The following TNN variants were observed in gnomAD, a reference collection of about 807,000 sequenced individuals.
TNN encodes tenascin N.
In TNN, 122 loss-of-function variants were observed where a neutral mutation model predicts 134.4. That is an observed-to-expected ratio of 0.91 (90% confidence interval 0.78 to 1.06). The LOEUF is 1.06. Among genes scored for constraint, TNN ranks in the 50% least tolerant of loss-of-function variants. TNN has a pLI of 0.00. For synonymous variants in TNN, 710 were observed against 670.3 expected (o/e 1.06, Z -0.91); for missense variants, 1,739 against 1,699.4 (o/e 1.02, Z -0.41).
At chr1:175,138,781 T>A (rs1675878692) in intron 17 of TNN, among the ~76,000 whole-genome samples, 1 of 152,220 alleles carries the variant, frequency 6.6e-6, no homozygotes, top group South Asian at 2.1e-4. Flanking sequence ...AACTGCATTG[T>A]TAAGCATTTC....
At chr1:175,071,148 C>G (rs1673906014) in intron 1 of TNN, among the ~76,000 whole-genome samples, 1 of 152,202 alleles carries the variant, frequency 6.6e-6, no homozygotes, top group African/African-American at 2.4e-5. Context: ...CTGTGGTTAA[C>G]TGTCAAGGCA....
intron 11 of TNN, among the ~76,000 whole-genome samples, chr1:175,119,207 C>T (rs1324021004): frequency 1.3e-5 from 2 of 152,194 alleles, no homozygotes; most frequent in African/African-American, 4.8e-5. Context: ...TGTGGTTGTC[C>T]ATTTTTATGG....
At chr1:175,120,676 C>T (rs982837375) in intron 11 of TNN, among the ~76,000 whole-genome samples, 1 of 152,184 alleles carries the variant, frequency 6.6e-6, no homozygotes, top group African/African-American at 2.4e-5. Context: ...AGACAGACCT[C>T]ACTGCAAAAA....
At chr1:175,118,194 G>T (rs1675235912) in intron 10 of TNN, among the ~76,000 whole-genome samples, 1 of 152,160 alleles carries the variant, frequency 6.6e-6, no homozygotes, top group Non-Finnish European at 1.5e-5. Context: ...AAAATTGTTA[G>T]TTCCTGGTGA....
chr1:175,141,105 A>G (rs879694419), intron 17 of TNN, among the ~76,000 whole-genome samples: 1 of 152,092 alleles, frequency 6.6e-6, no homozygotes, highest in Non-Finnish European at 1.5e-5. Context: ...TTTGACTTCC[A>G]CTCAAGTTAT....
chr1:175,091,507 C>A (rs1468822986), intron 6 of TNN, among the ~76,000 whole-genome samples: 1 of 151,800 alleles, frequency 6.6e-6, no homozygotes, highest in Non-Finnish European at 1.5e-5. Flanking sequence ...CCTCTTTCCA[C>A]CCATGTGGAC....
At chr1:175,120,109 A>G (rs994507806) in intron 11 of TNN, among the ~76,000 whole-genome samples, 1 of 152,246 alleles carries the variant, frequency 6.6e-6, no homozygotes, top group Non-Finnish European at 1.5e-5. Flanking sequence ...TGTGATAGAA[A>G]GGAGCAAGTA....
rs1157961557 is a variant in TNN at position 175,123,621 on chromosome 1, G to A, written c.2872G>A (p.Gly958Arg). Residue 958 changes from glycine (G) to arginine (R), a missense_variant, in exon 12 of 19, where the codon GGG (glycine) becomes AGG (arginine). Coordinates refer to ENST00000239462, the MANE Select transcript of TNN (RefSeq NM_022093.2). The part of the protein sequence containing the change: ...EYMVHVWAQK[G>R]AQESKKADTK... Reference sequence around the variant, plus strand: ...CATGGTGCACGTGTGGGCCCAGAAGGGGGCCCAGGAGAGCAAGAAGGCTGA... The same window carrying A: ...CATGGTGCACGTGTGGGCCCAGAAGAGGGCCCAGGAGAGCAAGAAGGCTGA... 5.6e-6 allele frequency: 9 copies of A among 1,614,162 alleles called. No homozygotes were observed. The highest frequency in any genetic ancestry group is 4.5e-5 in the East Asian group (2 of 44,872).
At chr1:175,114,225 C>G (rs1242173915) in intron 9 of TNN, among the ~76,000 whole-genome samples, 2 of 152,060 alleles carry the variant, frequency 1.3e-5, no homozygotes, top group Non-Finnish European at 2.9e-5. Context: ...ATACTTTTAC[C>G]TCAGTTGAAT....
At chr1:175,100,283 C>T (rs1406041538) in intron 9 of TNN, among the ~76,000 whole-genome samples, 1 of 152,222 alleles carries the variant, frequency 6.6e-6, no homozygotes, top group Non-Finnish European at 1.5e-5. Context: ...CTCCCCCTAT[C>T]CCACACTGAG....
At position 175,077,890 on chromosome 1, in the gene TNN, T is replaced by G. The variant is rs559676180; in HGVS notation, c.409+63T>G. ...GATGAGCACCTATTATGTGCCAGGG[T>G]TTCCACTAGCCTCATGAGCACTTTG... On this transcript the variant is annotated intron_variant, in intron 2 of 18. Coordinates refer to ENST00000239462, the MANE Select transcript of TNN (RefSeq NM_022093.2). The G allele has an allele frequency of 2.7e-5, 40 of 1,507,228 alleles. No homozygotes were observed. The African/African-American group carries it at 5.1e-4, about 19-fold the overall frequency. The allele number at this position is 1,507,228 out of a possible 1,614,324, so 93.4% of individuals were successfully genotyped here.
chr1:175,116,895 G>T, intron 9 of TNN, 44 bp from the exon 10 acceptor site: 1 of 1,613,954 alleles, frequency 6.2e-7, no homozygotes. Flanking sequence ...TCACTCTTTG[G>T]TACCAGTTCA....
chr1:175,072,328 G>A (rs1025948297), intron 1 of TNN, among the ~76,000 whole-genome samples: 1 of 152,176 alleles, frequency 6.6e-6, no homozygotes, highest in Non-Finnish European at 1.5e-5. Context: ...GATTCTTGGG[G>A]ACAACTGGTT....
intron 10 of TNN, among the ~76,000 whole-genome samples, chr1:175,117,879 T>C (rs1675224974): frequency 4.6e-5 from 7 of 152,242 alleles, no homozygotes; most frequent in Admixed American, 3.9e-4. Flanking sequence ...GGATAGCTCC[T>C]ACGTTATATT....
At position 175,147,039 on chromosome 1, in the gene TNN, C is replaced by T. The variant is rs750133414; in HGVS notation, c.3868C>T (p.Arg1290Trp). Residue 1290 changes from arginine to tryptophan, a missense_variant, in exon 19 of 19, where the codon CGG (arginine) becomes TGG (tryptophan). Transcript: ENST00000239462. The stretch of plus-strand genomic sequence containing the variant: ...GGAGCCTGTCCTGGGCAGAAAGAAG[C>T]GGACGCTGAGAGGAAGGCTGCGAAC... ...SREPVLGRKK[R>W]TLRGRLRTF 2.5e-6 allele frequency: 4 copies of T among 1,591,760 alleles called. No individual in the cohort carries two copies. The highest frequency in any genetic ancestry group is 2.2e-5 in the East Asian group (1 of 44,486).
intron 12 of TNN, among the ~76,000 whole-genome samples, chr1:175,126,398 C>A (rs1167900934): frequency 6.6e-6 from 1 of 152,128 alleles, no homozygotes; most frequent in Non-Finnish European, 1.5e-5. Flanking sequence ...CCGTGCCTGG[C>A]CAACTTTTTG....
At chr1:175,138,592 A>C (rs1675873342) in intron 17 of TNN, among the ~76,000 whole-genome samples, 1 of 152,152 alleles carries the variant, frequency 6.6e-6, no homozygotes, top group African/African-American at 2.4e-5. Flanking sequence ...GAATTATTTC[A>C]GGGAAAAGAC....
At chr1:175,090,198 TG>T (rs1464425724) in intron 6 of TNN, among the ~76,000 whole-genome samples, 2 of 152,254 alleles carry the variant, frequency 1.3e-5, no homozygotes, top group Non-Finnish European at 2.9e-5. Flanking sequence ...AACAGCTAGC[TG>T]GTACAACTTA....
At chr1:175,137,139 G>C (rs890774860) in intron 17 of TNN, 151 bp downstream of exon 17, 24 of 819,252 alleles carry the variant, frequency 2.9e-5, no homozygotes, top group Middle Eastern at 7.1e-4. Flanking sequence ...CTCTGCAGGG[G>C]GTCAGGAGTG....
Sources: allele counts gnomAD v4.1 joint callset (sites outside exome capture counted in the v4.1 genomes callset), GRCh38; gene constraint gnomAD v4.1.1; transcripts MANE v1.5; gene names NCBI Gene and HGNC (gene_info 2026-07-23, HGNC 2026-07-21).